The following NEDD8 variants were observed in gnomAD, a reference collection of about 807,000 sequenced individuals.
The protein encoded by NEDD8 is ubiquitin-like protein NEDD8.
NEDD8 carries 1 observed loss-of-function variant against 13.8 expected under a neutral mutation model. The observed-to-expected ratio is 0.07, with a 90% confidence interval of 0.03 to 0.34. The LOEUF is 0.34. Ranked by LOEUF, NEDD8 falls within the 10% of genes least tolerant of loss-of-function variation. NEDD8 has a pLI of 0.99. For synonymous variants in NEDD8, 31 were observed against 33.2 expected (o/e 0.93, Z 0.23); for missense variants, 10 against 95.2 (o/e 0.10, Z 3.73).
chr14:24,227,717 C>G (rs1012662588), intron 1 of NEDD8: 1 of 152,110 alleles, frequency 6.6e-6, no homozygotes, highest in South Asian at 2.1e-4. Flanking sequence ...GACAAGGTAA[C>G]AAGATTTAAA....
At chr14:24,224,349 C>T (rs1001975553) in intron 1 of NEDD8, among the ~76,000 whole-genome samples, 1 of 152,200 alleles carries the variant, frequency 6.6e-6, no homozygotes, top group Non-Finnish European at 1.5e-5. Flanking sequence ...CAGGCATGAG[C>T]CACCATGCCC....
At chr14:24,229,767 T>C (rs538742314) in intron 1 of NEDD8, among the ~76,000 whole-genome samples, 3 of 152,150 alleles carry the variant, frequency 2.0e-5, no homozygotes, top group Non-Finnish European at 2.9e-5. Context: ...CCCATATGCA[T>C]TGAAAAGCCA....
chr14:24,223,586 T>C (rs889316758), intron 1 of NEDD8, among the ~76,000 whole-genome samples: 8 of 152,070 alleles, frequency 5.3e-5, no homozygotes, highest in African/African-American at 1.9e-4. Flanking sequence ...TCTTGCTCTG[T>C]GTCCCAGCCT....
In NEDD8 at chr14:24,218,159, C is replaced by T. The variant is rs373959212; in HGVS notation, c.123G>A (p.Gln41=). Residue 41 remains glutamine (Q), a synonymous_variant, in exon 3 of 4, where the codon CAG becomes CAA. Transcript: ENST00000250495. ...TCTGCTTGCCACTGTAGATGAGCCT[C>T]TGCTGTTGTGGGGGGATTCCCTCTT... ...EEKEGIPPQQ[Q]RLIYSGKQMN... is the part of the protein sequence containing the mutation. 2.5e-5 allele frequency: 41 copies of T among 1,614,130 alleles called. No individual in the cohort carries two copies. The Middle Eastern group carries it at 9.9e-4, about 39-fold the overall frequency.
rs143376018 is a variant in NEDD8 at position 24,229,464 on chromosome 14, C to T, written c.18+2786G>A. 9.2e-5 allele frequency among the ~76,000 whole-genome samples: 14 copies of T among 152,276 alleles called. No homozygotes were observed. The East Asian group carries it at 9.7e-4, about 11-fold the overall frequency. On this transcript the variant is annotated intron_variant, in intron 1 of 3. Coordinates refer to ENST00000250495, the MANE Select transcript of NEDD8 (RefSeq NM_006156.3). ...TGAACTCCTGACCTCGTGATCCGCC[C>T]GCCTTGGCCTCCCAAAGTGCTGGGA...
intron 1 of NEDD8, among the ~76,000 whole-genome samples, chr14:24,219,472 T>A: frequency 1.7e-5 from 1 of 59,078 alleles, no homozygotes. Context: ...GGCAACACCC[T>A]CGCAAAAAAA....
chr14:24,224,327 G>A (rs1374746281), intron 1 of NEDD8, among the ~76,000 whole-genome samples: 2 of 152,136 alleles, frequency 1.3e-5, no homozygotes, highest in African/African-American at 4.8e-5. Context: ...GCCTCCCAAA[G>A]TGTTGGGATT....
Position 24,224,406 on chromosome 14 carries a change from G to A in NEDD8, c.19-5975C>T, listed in dbSNP as rs560161248. Among the ~76,000 whole-genome samples, 7 of 152,240 alleles carry A rather than the reference G, an allele frequency of 4.6e-5. No homozygotes were observed. In the East Asian group the frequency reaches 7.7e-4, roughly 17 times the overall value. ...AGATGGGGTCTCGAAATGTTGTCCA[G>A]GCTGGTCTCAAACTTCTGGCCTCAA... On this transcript the variant is annotated intron_variant, in intron 1 of 3. Coordinates refer to ENST00000250495, the MANE Select transcript of NEDD8 (RefSeq NM_006156.3).
chr14:24,217,077 A>T lies in NEDD8; in HGVS notation c.*50T>A. 6.9e-7 allele frequency: 1 copy of T among 1,451,356 alleles called. No individual in the cohort carries two copies. Among genetic ancestry groups the T allele is most frequent in the Non-Finnish European group, 9.6e-7 (1 of 1,044,462 alleles). 89.9% of individuals were successfully genotyped at this position (1,451,356 alleles called of 1,614,324 possible). On this transcript the variant is annotated 3_prime_UTR_variant, in exon 4 of 4. Coordinates refer to ENST00000250495, the MANE Select transcript of NEDD8 (RefSeq NM_006156.3). ...GGTGTCCCAGAGAGTGAGAGGATATATGATGCCTCATTATGAGCGACAGGG... is the reference window on the plus strand; with the variant it reads ...GGTGTCCCAGAGAGTGAGAGGATATTTGATGCCTCATTATGAGCGACAGGG...
chr14:24,231,049 T>C (rs2039998603), intron 1 of NEDD8, among the ~76,000 whole-genome samples: 1 of 152,092 alleles, frequency 6.6e-6, no homozygotes, highest in South Asian at 2.1e-4. Flanking sequence ...GCCCAGACCC[T>C]TGGCTAATTT....
At chr14:24,230,742 C>A (rs926201340) in intron 1 of NEDD8, among the ~76,000 whole-genome samples, 1 of 151,124 alleles carries the variant, frequency 6.6e-6, no homozygotes, top group Admixed American at 6.6e-5. Flanking sequence ...CCTTAGCCTC[C>A]GAGTAGCTGG....
intron 1 of NEDD8, among the ~76,000 whole-genome samples, chr14:24,229,453 C>CAG (rs1566669965): frequency 5.3e-5 from 8 of 152,134 alleles, no homozygotes. Context: ...CTCCTGACCT[C>CAG]GTGATCCGCC....
At chr14:24,230,038 C>G (rs973812467) in intron 1 of NEDD8, among the ~76,000 whole-genome samples, 1 of 151,800 alleles carries the variant, frequency 6.6e-6, no homozygotes, top group East Asian at 1.9e-4. Context: ...CCACTGCACT[C>G]CAGCCTGGTG....
chr14:24,232,220 G>C, intron 1 of NEDD8, 30 bp downstream of exon 1: 1 of 1,614,080 alleles, frequency 6.2e-7, no homozygotes, highest in Non-Finnish European at 8.5e-7. Flanking sequence ...CAGTACTACT[G>C]CGTCTTGGCA....
At chr14:24,226,300 T>A (rs1474974531) in intron 1 of NEDD8, among the ~76,000 whole-genome samples, 1 of 151,988 alleles carries the variant, frequency 6.6e-6, no homozygotes, top group Non-Finnish European at 1.5e-5. Flanking sequence ...GAGACCAGCA[T>A]GGCCAACATG....
intron 1 of NEDD8, among the ~76,000 whole-genome samples, chr14:24,220,256 T>C (rs1214048706): frequency 6.6e-6 from 1 of 152,250 alleles, no homozygotes; most frequent in Non-Finnish European, 1.5e-5. Flanking sequence ...ATGAATATTT[T>C]TGAAGGGCTA....
intron 3 of NEDD8, 66 bp from the exon 4 acceptor site, chr14:24,217,289 G>GCC: frequency 7.7e-7 from 1 of 1,295,694 alleles, no homozygotes; most frequent in African/African-American, 1.5e-5. Flanking sequence ...TGTTGTTGTT[G>GCC]TTGTTGTTGT....
chr14:24,223,416 A>G (rs1566666650), intron 1 of NEDD8, among the ~76,000 whole-genome samples: 1 of 152,220 alleles, frequency 6.6e-6, no homozygotes, highest in Non-Finnish European at 1.5e-5. Context: ...AACCCAGAAA[A>G]ACAAAAAAAT....
Position 24,218,177 on chromosome 14 carries a change from T to C in NEDD8, c.105A>G (p.Gly35=), listed in dbSNP as rs2039741488. ...RIKERVEEKE[G]IPPQQQRLIY... is the part of the protein sequence containing the mutation. ...TGAGCCTCTGCTGTTGTGGGGGGAT[T>C]CCCTCTTTCTCCTCCACACGCTCCT... is the stretch of plus-strand genomic sequence containing the variant. The change falls in exon 3 of 4, where the codon GGA becomes GGG. Residue 35 remains glycine (G), a synonymous_variant. Coordinates refer to ENST00000250495, the MANE Select transcript of NEDD8 (RefSeq NM_006156.3). 1 of 1,613,998 alleles carries C rather than the reference T, an allele frequency of 6.2e-7. No individual in the cohort carries two copies. The highest frequency in any genetic ancestry group is 1.7e-5 in the Admixed American group (1 of 59,980).
Sources: allele counts gnomAD v4.1 joint callset (sites outside exome capture counted in the v4.1 genomes callset), GRCh38; gene constraint gnomAD v4.1.1; transcripts MANE v1.5; gene names NCBI Gene and HGNC (gene_info 2026-07-23, HGNC 2026-07-21).